Variants in GALNT10 observed in about 807,000 individuals in gnomAD.
GALNT10 encodes GalNAc transferase 10.
GALNT10 carries 41 observed loss-of-function variants against 75.0 expected under a neutral mutation model. The ratio of observed to expected loss-of-function variants is 0.55; its 90% CI spans 0.43 to 0.71. GALNT10 has a LOEUF of 0.71. Ranked by LOEUF, GALNT10 falls within the 30% of genes least tolerant of loss-of-function variation. The pLI, the probability that GALNT10 is intolerant of heterozygous loss-of-function variation, is 0.00. For synonymous variants in GALNT10, 302 were observed against 313.0 expected, an observed-to-expected ratio of 0.96 and a Z score of 0.37; for missense variants, 727 against 818.5, an observed-to-expected ratio of 0.89 and a Z score of 1.36.
intron 1 of GALNT10, among the ~76,000 whole-genome samples, chr5:154,206,914 G>A (rs1990947): frequency 0.19 from 29,673 of 152,196 alleles, 3,384 homozygotes; most frequent in African/African-American, 0.31. Context: ...GAGGCAGGGA[G>A]AGCAGTTTGG....
At chr5:154,377,877 C>T (rs1233487768) in intron 5 of GALNT10, among the ~76,000 whole-genome samples, 2 of 152,012 alleles carry the variant, frequency 1.3e-5, no homozygotes, top group Non-Finnish European at 2.9e-5. Context: ...AAAAGCCTCA[C>T]CATAAATTGC....
At chr5:154,296,094 T>C (rs1383882794) in intron 2 of GALNT10, among the ~76,000 whole-genome samples, 1 of 152,138 alleles carries the variant, frequency 6.6e-6, no homozygotes, top group Non-Finnish European at 1.5e-5. Flanking sequence ...TGTTTTGTTT[T>C]GTTTTGTTTT....
intron 1 of GALNT10, among the ~76,000 whole-genome samples, chr5:154,283,278 T>A (rs1297416161): frequency 8.8e-5 from 7 of 79,506 alleles, no homozygotes; most frequent in South Asian, 5.4e-4. Flanking sequence ...ACCTCGTCTG[T>A]AAAAAAAAAA....
intron 4 of GALNT10, among the ~76,000 whole-genome samples, chr5:154,354,139 C>T (rs1035020847): frequency 6.6e-6 from 1 of 152,048 alleles, no homozygotes; most frequent in African/African-American, 2.4e-5. Context: ...ATTTTGTGAC[C>T]GTTCCAAAAG....
intron 3 of GALNT10, among the ~76,000 whole-genome samples, chr5:154,302,858 T>C (rs760994818): frequency 5.3e-5 from 8 of 152,172 alleles, no homozygotes; most frequent in Non-Finnish European, 1.2e-4. Context: ...CCGTATTATA[T>C]TGAGTACCTT....
At chr5:154,386,973 A>C in intron 7 of GALNT10, 1 of 160,004 alleles carries the variant, frequency 6.2e-6, no homozygotes. Flanking sequence ...AAGTTAGATC[A>C]CCCCCCCGAG....
intron 1 of GALNT10, among the ~76,000 whole-genome samples, chr5:154,229,793 G>A (rs1042022733): frequency 3.9e-5 from 6 of 152,044 alleles, no homozygotes; most frequent in African/African-American, 1.2e-4. Flanking sequence ...TACTCCTTCC[G>A]TAGTATCCCT....
intron 1 of GALNT10, among the ~76,000 whole-genome samples, chr5:154,220,896 CT>C (rs1752967384): frequency 6.6e-6 from 1 of 152,156 alleles, no homozygotes; most frequent in Non-Finnish European, 1.5e-5. Context: ...AGGCCAGATC[CT>C]TCTTCTGATT....
intron 7 of GALNT10, among the ~76,000 whole-genome samples, chr5:154,394,220 T>G: frequency 6.6e-6 from 1 of 150,508 alleles, no homozygotes; most frequent in East Asian, 2.0e-4. Context: ...ATTCTCTGGG[T>G]AGAGGAATGA....
chr5:154,400,598 C>T (rs529519538), intron 7 of GALNT10, among the ~76,000 whole-genome samples: 14 of 152,304 alleles, frequency 9.2e-5, no homozygotes, highest in African/African-American at 3.4e-4. Context: ...ACAACAGATG[C>T]CCATTGCAGG....
chr5:154,239,417 A>G (rs1753297756), intron 1 of GALNT10, among the ~76,000 whole-genome samples: 1 of 152,200 alleles, frequency 6.6e-6, no homozygotes, highest in Admixed American at 6.5e-5. Context: ...GAGCAAGTGA[A>G]GCTGAGCTCC....
At chr5:154,348,511 G>A (rs1410579464) in intron 4 of GALNT10, among the ~76,000 whole-genome samples, 1 of 152,150 alleles carries the variant, frequency 6.6e-6, no homozygotes, top group Non-Finnish European at 1.5e-5. Context: ...GTGTAGAGGG[G>A]TAGGGAATTA....
chr5:154,207,744 G>A (rs1775133276), intron 1 of GALNT10, among the ~76,000 whole-genome samples: 2 of 152,282 alleles, frequency 1.3e-5, no homozygotes, highest in South Asian at 4.1e-4. Flanking sequence ...AAAGTCCAGA[G>A]TTGGGAAAAC....
intron 4 of GALNT10, among the ~76,000 whole-genome samples, chr5:154,341,822 C>G (rs1192462029): frequency 6.6e-6 from 1 of 152,152 alleles, no homozygotes; most frequent in Non-Finnish European, 1.5e-5. Context: ...GTCCTTGCCC[C>G]CTTTAGGCTG....
intron 4 of GALNT10, among the ~76,000 whole-genome samples, chr5:154,367,630 G>A (rs1055887657): frequency 3.3e-5 from 5 of 152,082 alleles, no homozygotes; most frequent in South Asian, 2.1e-4. Context: ...CGAGGTGGGC[G>A]GATCATGAGG....
intron 2 of GALNT10, among the ~76,000 whole-genome samples, chr5:154,296,795 T>C (rs1052660937): frequency 6.6e-6 from 1 of 152,198 alleles, no homozygotes; most frequent in Non-Finnish European, 1.5e-5. Flanking sequence ...CAAACACTTC[T>C]GGTCTCCTGC....
At chr5:154,348,112 G>A (rs1300193899) in intron 4 of GALNT10, among the ~76,000 whole-genome samples, 1 of 152,218 alleles carries the variant, frequency 6.6e-6, no homozygotes, top group African/African-American at 2.4e-5. Flanking sequence ...GTTCATAGCT[G>A]CCTTAGATCA....
intron 1 of GALNT10, among the ~76,000 whole-genome samples, chr5:154,256,427 T>C (rs1172853807): frequency 6.6e-6 from 1 of 152,060 alleles, no homozygotes; most frequent in African/African-American, 2.4e-5. Context: ...AGACTTTTTT[T>C]CATTATTTGA....
Position 154,352,936 on chromosome 5 carries a change from C to T in GALNT10, c.568+23198C>T, listed in dbSNP as rs1755232241. ...CATAGAATGCAATTTCCTTCTGTCT[C>T]AAGCTCTGTGTCATCCGAAGGTGAA... On this transcript the variant is annotated intron_variant, in intron 4 of 11. Coordinates refer to ENST00000297107, the MANE Select transcript of GALNT10 (RefSeq NM_198321.4). This position sits in a 1 kb window ranked among gnomAD's most constrained non-coding sequence, Gnocchi z 4.4. Among the ~76,000 whole-genome samples, 2 of 152,182 alleles carry T rather than the reference C, an allele frequency of 1.3e-5. No individual in the cohort carries two copies. The highest frequency in any genetic ancestry group is 4.1e-4 in the South Asian group (2 of 4,830).
Sources: gnomAD v4.1 joint callset for allele counts (sites outside exome capture counted in the v4.1 genomes callset) on GRCh38, gnomAD v4.1.1 for gene constraint, Gnocchi (gnomAD v3.1) non-coding constraint, MANE v1.5 for transcripts, NCBI Gene and HGNC (gene_info 2026-07-23, HGNC 2026-07-21) for gene names.